The following BTBD1 variants were observed in gnomAD, a reference collection of about 807,000 sequenced individuals.
BTBD1 encodes the protein BTB/POZ domain-containing protein 1.
BTBD1 carries 34 observed loss-of-function variants against 48.0 expected under a neutral mutation model. The ratio of observed to expected loss-of-function variants is 0.71; its 90% CI spans 0.54 to 0.94. The LOEUF is 0.94. BTBD1 is among the 40% of genes least tolerant of loss of function. The pLI is 0.00. For synonymous variants in BTBD1, 261 were observed against 242.1 expected, an observed-to-expected ratio of 1.08 and a Z score of -0.72; for missense variants, 543 against 625.6, an observed-to-expected ratio of 0.87 and a Z score of 1.41.
At chr15:83,060,999 A>T (rs1285515757) in intron 1 of BTBD1, among the ~76,000 whole-genome samples, 1 of 152,242 alleles carries the variant, frequency 6.6e-6, no homozygotes, top group Non-Finnish European at 1.5e-5. Context: ...AGCTTTGCCC[A>T]TAAAAACCTT....
At chr15:83,018,319 C>A in intron 7 of BTBD1, 94 bp from the exon 8 acceptor site, 1 of 1,044,922 alleles carries the variant, frequency 9.6e-7, no homozygotes, top group Non-Finnish European at 1.3e-6. Context: ...CATTATATTT[C>A]ACTATCATTC....
At chr15:83,063,207 A>G (rs1029396110) in intron 1 of BTBD1, among the ~76,000 whole-genome samples, 5 of 152,094 alleles carry the variant, frequency 3.3e-5, no homozygotes, top group African/African-American at 1.2e-4. Context: ...ATCTCTACAT[A>G]TTTGAAGATT....
Position 83,044,887 on chromosome 15 carries a change from A to G in BTBD1, c.665-2962T>C, listed in dbSNP as rs181198058. 119 of 660,090 alleles carry G rather than the reference A, an allele frequency of 1.8e-4. 1 individual carries two copies. The highest frequency in any genetic ancestry group is 1.7e-3 in the African/African-American group (92 of 55,594). The allele number at this position is 660,090 out of a possible 1,614,324, so 40.9% of individuals were successfully genotyped here. A position where few individuals can be genotyped will look rare whatever the true frequency, so the allele number is the denominator to read the frequency against. On this transcript the variant is annotated intron_variant, in intron 3 of 7. Transcript: ENST00000261721. The stretch of plus-strand genomic sequence containing the variant: ...CTGTGTTCAATTATCTTTATCACAA[A>G]CGTTTCACATGCAGCTATTTCAAAG...
intron 5 of BTBD1, among the ~76,000 whole-genome samples, chr15:83,022,883 C>A (rs1384324078): frequency 1.3e-5 from 2 of 151,568 alleles, no homozygotes; most frequent in African/African-American, 4.9e-5. Flanking sequence ...ATCGCTTGAA[C>A]CTGGAGGCAG....
chr15:83,050,034 G>A (rs1256421134), intron 3 of BTBD1, 39 bp downstream of exon 3: 4 of 1,290,628 alleles, frequency 3.1e-6, no homozygotes, highest in Non-Finnish European at 4.5e-6. Context: ...GGCATTAACT[G>A]TACTTAAAAT....
intron 3 of BTBD1, chr15:83,044,356 CCCGT>C: frequency 1.3e-6 from 2 of 1,491,124 alleles, no homozygotes; most frequent in Non-Finnish European, 1.8e-6. Flanking sequence ...TGCCCGCCCG[CCCGT>C]GCCCACCATG....
chr15:83,032,687 G>A (rs1161286831), intron 4 of BTBD1, among the ~76,000 whole-genome samples: 1 of 152,110 alleles, frequency 6.6e-6, no homozygotes, highest in African/African-American at 2.4e-5. Context: ...CTATGAGGAG[G>A]CAAAGGCCTA....
chr15:83,018,990 G>A (rs947031621), intron 6 of BTBD1, 137 bp from the exon 7 acceptor site: 4 of 276,292 alleles, frequency 1.4e-5, no homozygotes, highest in East Asian at 1.3e-4. Flanking sequence ...CCTTGGGGGT[G>A]GGGGGGTGGG....
Position 83,066,624 on chromosome 15 carries a change from C to T in BTBD1, c.401+127G>A, listed in dbSNP as rs957643792. The T allele has an allele frequency of 1.0e-4, 107 of 1,029,248 alleles. 1 individual carries two copies. In the African/African-American group the frequency reaches 1.7e-3, roughly 16 times the overall value. 63.8% of individuals were successfully genotyped at this position (1,029,248 alleles called of 1,614,324 possible). A position where few individuals can be genotyped will look rare whatever the true frequency, so the allele number is the denominator to read the frequency against. ...TCAACGGCTCGGGAGGAAACTGAGG[C>T]CCCGGGCGGGTCAGAAGAGCCCAGC... On this transcript the variant is annotated intron_variant, in intron 1 of 7. Coordinates refer to ENST00000261721, the MANE Select transcript of BTBD1 (RefSeq NM_025238.4).
At chr15:83,023,768 T>C (rs2032347795) in intron 5 of BTBD1, among the ~76,000 whole-genome samples, 1 of 152,178 alleles carries the variant, frequency 6.6e-6, no homozygotes, top group Non-Finnish European at 1.5e-5. Context: ...CCCCATAAGG[T>C]ATAACGATCA....
At chr15:83,057,376 T>C (rs2033105585) in intron 1 of BTBD1, among the ~76,000 whole-genome samples, 1 of 152,214 alleles carries the variant, frequency 6.6e-6, no homozygotes, top group South Asian at 2.1e-4. Flanking sequence ...AGCACCTACT[T>C]CATAATGTGG....
At position 83,066,765 on chromosome 15, in the gene BTBD1, G is replaced by A; in HGVS notation, c.387C>T (p.Phe129=). 2.8e-6 allele frequency: 4 copies of A among 1,414,474 alleles called. No homozygotes were observed. The highest frequency in any genetic ancestry group is 3.7e-6 in the Non-Finnish European group (4 of 1,090,280). 87.6% of individuals were successfully genotyped at this position (1,414,474 alleles called of 1,614,324 possible). Residue 129 remains phenylalanine, a synonymous_variant, in exon 1 of 8, where the codon TTC becomes TTT. Coordinates refer to ENST00000261721, the MANE Select transcript of BTBD1 (RefSeq NM_025238.4). ...IELPDVEPAA[F]LALLRFLYSD... ...CTGCCGCTCACCTCAGCAGCGCCAG[G>A]AAGGCTGCGGGCTCCACGTCCGGCA... is the stretch of plus-strand genomic sequence containing the variant.
chr15:83,066,908 C>G lies in BTBD1; in HGVS notation c.244G>C (p.Ala82Pro). 6.6e-7 allele frequency: 1 copy of G among 1,519,956 alleles called. No homozygotes were observed. The highest frequency in any genetic ancestry group is 8.8e-7 in the Non-Finnish European group (1 of 1,139,136). 94.2% of individuals were successfully genotyped at this position (1,519,956 alleles called of 1,614,324 possible). ...RFVLGKGRGA[A>P]AAGGPQRIPA... ...ATGCGCTGCGGGCCCCCAGCGGCGG[C>G]GGCGCCGCGACCCTTGCCCAGTACG... The change falls in exon 1 of 8, where the codon GCC (alanine) becomes CCC (proline). Residue 82 changes from alanine (A) to proline (P), a missense_variant. Physicochemically the swap from Ala to Pro is conservative, Grantham distance 27. Transcript: ENST00000261721.
rs184061978 is a variant in BTBD1, at chr15:83,033,885, T to C, written c.863-3557A>G. Among the ~76,000 whole-genome samples, 301 of 152,084 alleles carry C rather than the reference T, an allele frequency of 2.0e-3. 1 individual carries two copies. Among genetic ancestry groups the C allele is most frequent in the Middle Eastern group, 3.4e-3 (1 of 294 alleles). On this transcript the variant is annotated intron_variant, in intron 4 of 7. Coordinates refer to ENST00000261721, the MANE Select transcript of BTBD1 (RefSeq NM_025238.4). ...GAGCCACTGTGCCCCATCTAAAAAA[T>C]TTAATTTTTAAGATTTAATTTAAAA...
chr15:83,037,403 T>G (rs2032652008), intron 4 of BTBD1, among the ~76,000 whole-genome samples: 1 of 152,102 alleles, frequency 6.6e-6, no homozygotes, highest in Admixed American at 6.6e-5. Flanking sequence ...AGTAATACAA[T>G]TCAAAACAAT....
intron 2 of BTBD1, among the ~76,000 whole-genome samples, chr15:83,054,589 G>C (rs62010174): frequency 0.19 from 27,977 of 144,950 alleles, 2,884 homozygotes; most frequent in Non-Finnish European, 0.22. Flanking sequence ...TTGAGACAGA[G>C]TTTCGCTCTG....
chr15:83,030,456 T>C, intron 4 of BTBD1, 128 bp from the exon 5 acceptor site: 2 of 718,970 alleles, frequency 2.8e-6, no homozygotes, highest in South Asian at 1.9e-5. Context: ...TCTTAGCATA[T>C]ATAATTTTTG....
intron 1 of BTBD1, among the ~76,000 whole-genome samples, chr15:83,065,427 T>C (rs1010844068): frequency 2.0e-5 from 3 of 152,238 alleles, no homozygotes; most frequent in African/African-American, 7.2e-5. Flanking sequence ...ATCTATCCTG[T>C]CCTTTATCCA....
At chr15:83,064,427 A>AG (rs36051575) in intron 1 of BTBD1, among the ~76,000 whole-genome samples, 1 of 152,138 alleles carries the variant, frequency 6.6e-6, no homozygotes, top group Non-Finnish European at 1.5e-5. Context: ...GAAAAAAAAA[A>AG]TTGCACTGTC....
Sources: gnomAD v4.1 joint callset for allele counts (sites outside exome capture counted in the v4.1 genomes callset) on GRCh38, gnomAD v4.1.1 for gene constraint, MANE v1.5 for transcripts, NCBI Gene and HGNC (gene_info 2026-07-23, HGNC 2026-07-21) for gene names.